Variants in DGKB observed in about 807,000 individuals in gnomAD.
DGKB encodes 90 kDa diacylglycerol kinase.
Under a neutral mutation model 114.3 loss-of-function variants are expected in DGKB, and 67 were observed. That is an observed-to-expected ratio of 0.59 (90% CI 0.48 to 0.72). DGKB has a LOEUF of 0.72. Among genes scored for constraint, DGKB ranks in the 30% least tolerant of loss-of-function variants. The pLI is 0.00. For synonymous variants in DGKB, 398 were observed against 323.1 expected (o/e 1.23, Z -2.49); for missense variants, 907 against 975.2 (o/e 0.93, Z 0.93).
chr7:14,749,492 G>A (rs1242558187), intron 4 of DGKB, among the ~76,000 whole-genome samples: 4 of 152,090 alleles, frequency 2.6e-5, no homozygotes, highest in African/African-American at 9.7e-5. Flanking sequence ...TAAAAAATAG[G>A]AAATGGCCGA....
intron 23 of DGKB, among the ~76,000 whole-genome samples, chr7:14,221,112 A>G (rs1352768434): frequency 6.6e-6 from 1 of 151,368 alleles, no homozygotes; most frequent in Non-Finnish European, 1.5e-5. Context: ...TTATGTGCAA[A>G]TAGAAATAGT....
intron 1 of DGKB, among the ~76,000 whole-genome samples, chr7:14,864,838 G>T (rs1378808555): frequency 6.6e-6 from 1 of 151,770 alleles, no homozygotes; most frequent in Non-Finnish European, 1.5e-5. Flanking sequence ...CAGGTCTTAA[G>T]ACTTAATCCT....
chr7:14,745,023 G>A (rs911264712), intron 4 of DGKB, among the ~76,000 whole-genome samples: 4 of 152,112 alleles, frequency 2.6e-5, no homozygotes, highest in Non-Finnish European at 5.9e-5. Flanking sequence ...CCATAACCCA[G>A]AGGTTCCTCT....
intron 25 of DGKB, among the ~76,000 whole-genome samples, chr7:14,172,176 A>C (rs1261429091): frequency 6.6e-6 from 1 of 152,178 alleles, no homozygotes; most frequent in African/African-American, 2.4e-5. Flanking sequence ...AGCGCATGAA[A>C]AGACTTTTTA....
In DGKB at chr7:14,734,167, TG is replaced by T. The variant is rs1225110728; in HGVS notation, c.322+1873del. On this transcript the variant is annotated intron_variant, in intron 5 of 25. Coordinates refer to ENST00000402815, the MANE Select transcript of DGKB (RefSeq NM_001350709.2). ...CTCCTGTTTCAGCCTCCCAAGTAGC[TG>T]GGATTACAGGCGCCTGCCACCATGC... Among the ~76,000 whole-genome samples the T allele has an allele frequency of 2.0e-5, 3 of 151,310 alleles. No homozygotes were observed. The East Asian group carries it at 5.9e-4, about 30-fold the overall frequency.
intron 2 of DGKB, among the ~76,000 whole-genome samples, chr7:14,817,781 A>G (rs1347109052): frequency 6.6e-6 from 1 of 152,178 alleles, no homozygotes; most frequent in East Asian, 1.9e-4. Context: ...CTATTTCCAT[A>G]TCCCTGCCAC....
At chr7:14,192,914 A>C (rs977041032) in intron 23 of DGKB, among the ~76,000 whole-genome samples, 9 of 152,182 alleles carry the variant, frequency 5.9e-5, no homozygotes, top group Admixed American at 1.3e-4. Context: ...AGATTCACAT[A>C]CAGAGTGCTC....
At chr7:14,671,605 A>G (rs1270708999) in intron 13 of DGKB, among the ~76,000 whole-genome samples, 2 of 152,204 alleles carry the variant, frequency 1.3e-5, no homozygotes, top group East Asian at 3.9e-4. Context: ...GTTTGAATTT[A>G]TATAACTAGA....
chr7:14,646,598 A>T (rs963607710), intron 13 of DGKB, among the ~76,000 whole-genome samples: 14 of 152,140 alleles, frequency 9.2e-5, no homozygotes, highest in Non-Finnish European at 1.8e-4. Context: ...AGGCCTCAAT[A>T]TAAATCTCAA....
chr7:14,696,846 G>A (rs765982876), intron 8 of DGKB, among the ~76,000 whole-genome samples: 12 of 152,122 alleles, frequency 7.9e-5, no homozygotes, highest in African/African-American at 2.9e-4. Flanking sequence ...TTTAAAACTG[G>A]AAAAATCCTA....
intron 13 of DGKB, among the ~76,000 whole-genome samples, chr7:14,643,939 A>G (rs1349929617): frequency 6.6e-6 from 1 of 152,178 alleles, no homozygotes; most frequent in Non-Finnish European, 1.5e-5. Context: ...TTTAGGAGCC[A>G]GAGGAGTGGA....
At chr7:14,906,514 T>C (rs570196539), upstream of DGKB, among the ~76,000 whole-genome samples, 1 of 147,998 alleles carries the variant, frequency 6.8e-6, no homozygotes, top group African/African-American at 2.5e-5. Context: ...AGTGCAATGA[T>C]GTGATCTCGG....
intron 1 of DGKB, among the ~76,000 whole-genome samples, chr7:14,895,484 G>T (rs569714498): frequency 6.6e-6 from 1 of 151,616 alleles, no homozygotes; most frequent in Non-Finnish European, 1.5e-5. Context: ...ATGCAAATAG[G>T]ATCTTCTGCT....
intron 2 of DGKB, among the ~76,000 whole-genome samples, chr7:14,776,146 T>A (rs1838137304): frequency 6.6e-6 from 1 of 152,104 alleles, no homozygotes; most frequent in African/African-American, 2.4e-5. Flanking sequence ...TAGATACCTG[T>A]GGAAATTTGA....
At chr7:14,269,704 G>A (rs934537436) in intron 23 of DGKB, among the ~76,000 whole-genome samples, 2 of 152,114 alleles carry the variant, frequency 1.3e-5, no homozygotes, top group Non-Finnish European at 1.5e-5. Flanking sequence ...GAATGGAATT[G>A]CAGTTCATGG....
intron 21 of DGKB, among the ~76,000 whole-genome samples, chr7:14,418,715 G>A (rs1826184042): frequency 6.6e-6 from 1 of 151,782 alleles, no homozygotes; most frequent in African/African-American, 2.4e-5. Flanking sequence ...TGGATATGTT[G>A]CTTCATAGCT....
intron 1 of DGKB, among the ~76,000 whole-genome samples, chr7:14,940,252 A>G (rs751704403): frequency 2.5e-4 from 38 of 152,106 alleles, no homozygotes; most frequent in Non-Finnish European, 5.0e-4. Context: ...GAACACAAAT[A>G]GGGCATGTGA....
At chr7:14,769,375 G>A (rs1837072984) in intron 2 of DGKB, among the ~76,000 whole-genome samples, 1 of 152,048 alleles carries the variant, frequency 6.6e-6, no homozygotes. Flanking sequence ...AATCAAAGAA[G>A]AGCAGTTGCA....
At chr7:14,904,561 T>A (rs1783571622), upstream of DGKB, among the ~76,000 whole-genome samples, 1 of 152,208 alleles carries the variant, frequency 6.6e-6, no homozygotes, top group Non-Finnish European at 1.5e-5. Flanking sequence ...AAAGACCAGT[T>A]AATGAGCAAA....
Sources: gnomAD v4.1 joint callset for allele counts (sites outside exome capture counted in the v4.1 genomes callset) on GRCh38, gnomAD v4.1.1 for gene constraint, MANE v1.5 for transcripts, NCBI Gene and HGNC (gene_info 2026-07-23, HGNC 2026-07-21) for gene names.